The following TOM1 variants were observed in gnomAD, a reference collection of about 807,000 sequenced individuals.
TOM1 encodes target of myb1 membrane trafficking protein.
Under a neutral mutation model 61.3 loss-of-function variants are expected in TOM1, and 38 were observed. That is an observed-to-expected ratio of 0.62 (90% CI 0.48 to 0.81). The LOEUF (loss-of-function observed/expected upper bound fraction) is 0.81. Ranked by LOEUF, TOM1 falls within the 40% of genes least tolerant of loss-of-function variation. TOM1 has a pLI of 0.00. For missense variants in TOM1, 591 were observed against 659.6 expected, an observed-to-expected ratio of 0.90 and a Z score of 1.14; for synonymous variants, 270 against 268.8, an observed-to-expected ratio of 1.00 and a Z score of -0.04.
chr22:35,334,229 C>G, intron 10 of TOM1, 99 bp from the exon 11 acceptor site: 5 of 1,495,668 alleles, frequency 3.3e-6, no homozygotes, highest in Non-Finnish European at 3.6e-6. Context: ...CGTGCCACTT[C>G]CCCAGCACCA....
At chr22:35,313,220 A>G (rs904658176) in intron 1 of TOM1, among the ~76,000 whole-genome samples, 5 of 151,896 alleles carry the variant, frequency 3.3e-5, no homozygotes, top group African/African-American at 7.3e-5. Flanking sequence ...GTTGGCAGGT[A>G]CCTGTAATCC....
rs8137168 is a variant in TOM1, at chr22:35,333,660, G to A, written c.1027+163G>A. Among the ~76,000 whole-genome samples, 1,495 of 152,250 alleles carry A rather than the reference G, an allele frequency of 9.8e-3. 23 individuals carry two copies. Among genetic ancestry groups the A allele is most frequent in the African/African-American group, 0.034 (1,423 of 41,542 alleles). On this transcript the variant is annotated intron_variant, in intron 10 of 14. Coordinates refer to ENST00000449058, the MANE Select transcript of TOM1 (RefSeq NM_005488.3). ...AATCTTGCTGCAAGGTGGGGCACTC[G>A]GGGTCACTGCCCCTGGCAGCCCCAC...
intron 8 of TOM1, 72 bp downstream of exon 8, chr22:35,330,552 CTGGTCTCA>C: frequency 2.1e-6 from 3 of 1,449,982 alleles, no homozygotes; most frequent in South Asian, 2.6e-5. Context: ...CCCTGTTCTC[CTGGTCTCA>C]TGCCATCTGA....
chr22:35,328,685 C>T (rs1190783706), intron 7 of TOM1, among the ~76,000 whole-genome samples: 1 of 152,186 alleles, frequency 6.6e-6, no homozygotes, highest in African/African-American at 2.4e-5. Context: ...GTGCTAAGGG[C>T]GATGAGGAAA....
chr22:35,345,563 C>A (rs1426820781), intron 12 of TOM1, 162 bp from the exon 13 acceptor site: 1 of 683,326 alleles, frequency 1.5e-6, no homozygotes, highest in Non-Finnish European at 2.6e-6. Context: ...ACCTCCATCA[C>A]CCACAGCCTG....
chr22:35,330,236 C>A, intron 7 of TOM1, 111 bp from the exon 8 acceptor site: 1 of 1,116,756 alleles, frequency 9.0e-7, no homozygotes, highest in South Asian at 1.5e-5. Flanking sequence ...GAGCCAAGAT[C>A]GCACCACTGC....
intron 1 of TOM1, among the ~76,000 whole-genome samples, chr22:35,307,541 G>C (rs1327182431): frequency 6.6e-6 from 1 of 152,206 alleles, no homozygotes; most frequent in Admixed American, 6.5e-5. Flanking sequence ...CTTCCCGGCT[G>C]TGTCCCCCAG....
intron 1 of TOM1, among the ~76,000 whole-genome samples, chr22:35,316,820 G>C (rs768252788): frequency 6.6e-6 from 1 of 152,162 alleles, no homozygotes; most frequent in African/African-American, 2.4e-5. Context: ...CACTTGCTGA[G>C]TGTTTATTTT....
intron 2 of TOM1, among the ~76,000 whole-genome samples, chr22:35,320,601 G>T (rs4511): frequency 6.6e-6 from 1 of 151,698 alleles, no homozygotes; most frequent in Non-Finnish European, 1.5e-5. Context: ...CTCCCCCCAG[G>T]TGGTCCTTCC....
rs1386419056 is a variant in TOM1, at chr22:35,327,373, C to G, written c.751C>G (p.Leu251Val). The G allele has an allele frequency of 6.2e-7, 1 of 1,612,764 alleles. No homozygotes were observed. Among genetic ancestry groups the G allele is most frequent in the Non-Finnish European group, 8.5e-7 (1 of 1,179,918 alleles). ...LVPTQAEPAD[L>V]ELLQELNRTC... ...GCCCACCCAGGCCGAGCCCGCAGAC[C>G]TGGAGCTGCTGCAGGTGAGCAGGTG... Residue 251 changes from leucine (L) to valine (V), a missense_variant, in exon 7 of 15, where the codon CTG (leucine) becomes GTG (valine). Coordinates refer to ENST00000449058, the MANE Select transcript of TOM1 (RefSeq NM_005488.3).
At chr22:35,344,508 G>C (rs2145733799) in intron 12 of TOM1, 1 of 152,382 alleles carries the variant, frequency 6.6e-6, no homozygotes, top group South Asian at 2.1e-4. Context: ...CAAGGACAAG[G>C]TAGCCCGTCT....
Position 35,347,370 on chromosome 22 carries a change from G to A in TOM1, c.*161G>A. ...AGCTGCCCCAGCTGTGGCTGGGGGT[G>A]TGGAGGCAGTGGGATGAACTGGGGG... is the stretch of plus-strand genomic sequence containing the variant. On this transcript the variant is annotated 3_prime_UTR_variant, in exon 15 of 15. Coordinates refer to ENST00000449058, the MANE Select transcript of TOM1 (RefSeq NM_005488.3). 1.5e-6 allele frequency: 1 copy of A among 689,348 alleles called. No homozygotes were observed. The highest frequency in any genetic ancestry group is 2.4e-5 in the South Asian group (1 of 41,938). The allele number at this position is 689,348 out of a possible 1,614,324, so 42.7% of individuals were successfully genotyped here.
rs139784161 is a variant in TOM1 at position 35,315,949 on chromosome 22, G to A, written c.53-1928G>A. On this transcript the variant is annotated intron_variant, in intron 1 of 14. Coordinates refer to ENST00000449058, the MANE Select transcript of TOM1 (RefSeq NM_005488.3). The stretch of plus-strand genomic sequence containing the variant: ...GCTTACAAATAGCCGTGTAGCAAGC[G>A]AAGAGTCACCCACCCTCCCCGAGCC... Among the ~76,000 whole-genome samples the A allele has an allele frequency of 2.7e-3, 418 of 152,314 alleles. 1 individual carries two copies. The highest frequency in any genetic ancestry group is 4.1e-3 in the Non-Finnish European group (280 of 68,020).
At chr22:35,301,970 C>A (rs1428643960) in intron 1 of TOM1, among the ~76,000 whole-genome samples, 2 of 152,210 alleles carry the variant, frequency 1.3e-5, no homozygotes, top group Non-Finnish European at 2.9e-5. Flanking sequence ...AAATAAAAGA[C>A]CTGGCTTCAA....
At chr22:35,325,838 T>C (rs1928262458) in intron 6 of TOM1, among the ~76,000 whole-genome samples, 1 of 152,232 alleles carries the variant, frequency 6.6e-6, no homozygotes, top group African/African-American at 2.4e-5. Context: ...TTTTGTCTCT[T>C]GGGACATGTT....
chr22:35,310,753 G>A (rs1322306913), intron 1 of TOM1, among the ~76,000 whole-genome samples: 1 of 152,198 alleles, frequency 6.6e-6, no homozygotes, highest in Non-Finnish European at 1.5e-5. Context: ...CATGGCCCAG[G>A]TCCCATCTGG....
chr22:35,321,835 A>T, intron 2 of TOM1, 124 bp from the exon 3 acceptor site: 1 of 850,186 alleles, frequency 1.2e-6, no homozygotes, highest in Non-Finnish European at 2.1e-6. Context: ...ACCTGGCTGG[A>T]TACACAAAAC....
intron 1 of TOM1, among the ~76,000 whole-genome samples, chr22:35,308,721 G>T (rs1926564486): frequency 1.3e-5 from 2 of 152,198 alleles, no homozygotes; most frequent in Non-Finnish European, 1.5e-5. Context: ...GCCACTTCAA[G>T]CCTCTGCCTT....
chr22:35,331,036 G>C (rs1266348691), intron 8 of TOM1, among the ~76,000 whole-genome samples: 1 of 151,802 alleles, frequency 6.6e-6, no homozygotes, highest in Non-Finnish European at 1.5e-5. Flanking sequence ...ATCTCCCCAG[G>C]GTGCTGCCAT....
Sources: gnomAD v4.1 joint callset for allele counts (sites outside exome capture counted in the v4.1 genomes callset) on GRCh38, gnomAD v4.1.1 for gene constraint, MANE v1.5 for transcripts, NCBI Gene and HGNC (gene_info 2026-07-23, HGNC 2026-07-21) for gene names.